Variants in MYB observed in about 807,000 individuals in gnomAD.
The protein encoded by MYB is transcriptional activator Myb.
In MYB, 28 loss-of-function variants were observed where a neutral mutation model predicts 92.9. The observed-to-expected ratio is 0.30, with a 90% CI of 0.22 to 0.41. The LOEUF (loss-of-function observed/expected upper bound fraction) is 0.41. Ranked by LOEUF, MYB falls within the 10% of genes least tolerant of loss-of-function variation. The pLI, the probability that MYB is intolerant of heterozygous loss-of-function variation, is 1.00. For synonymous variants in MYB, 295 were observed against 329.1 expected, an observed-to-expected ratio of 0.90 and a Z score of 1.12; for missense variants, 679 against 929.3, an observed-to-expected ratio of 0.73 and a Z score of 3.50.
At position 135,190,352 on chromosome 6, in the gene MYB, T is replaced by G. The variant is rs1562368585; in HGVS notation, c.527+5T>G. Reference sequence around the variant, plus strand: ...CGCAAAGCTACTGCCTGGACGGTAATAATATGTCAAAAAATATATTGATCG... The same window carrying G: ...CGCAAAGCTACTGCCTGGACGGTAAGAATATGTCAAAAAATATATTGATCG... On this transcript the variant is annotated splice_donor_5th_base_variant and intron_variant, in intron 5 of 15. Coordinates refer to ENST00000341911, the MANE Select transcript of MYB (RefSeq NM_001130173.2). This position sits in a 1 kb window ranked among gnomAD's most constrained non-coding sequence, Gnocchi z 4.5. The G allele has an allele frequency of 1.2e-6, 2 of 1,609,650 alleles. No individual in the cohort carries two copies. The highest frequency in any genetic ancestry group is 1.7e-6 in the Non-Finnish European group (2 of 1,176,372).
chr6:135,199,864 T>C (rs1430158204), intron 11 of MYB, among the ~76,000 whole-genome samples: 1 of 152,266 alleles, frequency 6.6e-6, no homozygotes, highest in African/African-American at 2.4e-5. Context: ...AATCATTTAA[T>C]GCTTTTAGTC....
In MYB at chr6:135,218,679, G is replaced by A. The variant is rs1001601280; in HGVS notation, c.*699G>A. 5.2e-6 allele frequency: 1 copy of A among 192,510 alleles called. No individual in the cohort carries two copies. The highest frequency in any genetic ancestry group is 2.3e-5 in the African/African-American group (1 of 43,012). 11.9% of individuals were successfully genotyped at this position (192,510 alleles called of 1,614,324 possible). Reference sequence around the variant, plus strand: ...GTAGACATGCTGCTAGTATCAGAGGGGCAGTAGAGCTTGGACAGAAAGAAA... The same window carrying A: ...GTAGACATGCTGCTAGTATCAGAGGAGCAGTAGAGCTTGGACAGAAAGAAA... On this transcript the variant is annotated 3_prime_UTR_variant, in exon 16 of 16. Transcript: ENST00000341911.
rs1480210804 is a variant in MYB, at chr6:135,217,850, C to T, written c.2170-14C>T. On this transcript the variant is annotated splice_polypyrimidine_tract_variant and intron_variant, in intron 15 of 15. Transcript: ENST00000341911. Reference sequence around the variant, plus strand: ...TTTGTCTGACGCTCCTGTTGCCATCCCTTTCTCCATCAGCCTTGTAGCAGT... The same window carrying T: ...TTTGTCTGACGCTCCTGTTGCCATCTCTTTCTCCATCAGCCTTGTAGCAGT... The T allele has an allele frequency of 1.9e-6, 3 of 1,562,164 alleles. No individual in the cohort carries two copies. The highest frequency in any genetic ancestry group is 2.6e-6 in the Non-Finnish European group (3 of 1,133,008).
chr6:135,198,241 A>C (rs1056679417), intron 10 of MYB, among the ~76,000 whole-genome samples: 1 of 152,226 alleles, frequency 6.6e-6, no homozygotes, highest in African/African-American at 2.4e-5. Context: ...CAGGAGTTCA[A>C]GTTCAGCCTG....
chr6:135,201,607 G>A, intron 13 of MYB, 32 bp from the exon 14 acceptor site: 1 of 1,495,156 alleles, frequency 6.7e-7, no homozygotes, highest in Non-Finnish European at 9.3e-7. Flanking sequence ...GGAAGTTCTA[G>A]AAACAACAAA....
intron 10 of MYB, among the ~76,000 whole-genome samples, chr6:135,198,096 G>C (rs925948719): frequency 1.3e-5 from 2 of 152,126 alleles, no homozygotes; most frequent in African/African-American, 4.8e-5. Context: ...AACAGATTTA[G>C]GTATGATATA....
intron 3 of MYB, among the ~76,000 whole-genome samples, chr6:135,188,301 C>G (rs1435196481): frequency 6.6e-6 from 1 of 151,868 alleles, no homozygotes; most frequent in Non-Finnish European, 1.5e-5. Flanking sequence ...TTCTGAAGAC[C>G]TTTCTTGACT....
At chr6:135,194,210 C>A (rs758368285) in intron 7 of MYB, 146 bp from the exon 8 acceptor site, 70 of 642,330 alleles carry the variant, frequency 1.1e-4, no homozygotes, top group Non-Finnish European at 1.7e-4. Flanking sequence ...ACAAAGATTT[C>A]TGCAGGAGCC....
intron 15 of MYB, chr6:135,203,673 A>T: frequency 1.5e-6 from 2 of 1,377,794 alleles, no homozygotes; most frequent in Non-Finnish European, 9.8e-7. Flanking sequence ...AATATAGTTT[A>T]CTTTATGTTC....
intron 8 of MYB, chr6:135,195,266 C>A: frequency 5.6e-6 from 2 of 355,034 alleles, no homozygotes; most frequent in Non-Finnish European, 1.0e-5. Context: ...TTTGGCAGTG[C>A]TTCACTGCAT....
intron 13 of MYB, among the ~76,000 whole-genome samples, chr6:135,201,210 A>AT (rs41294866): frequency 4.6e-5 from 7 of 151,900 alleles, no homozygotes; most frequent in African/African-American, 9.7e-5. Context: ...AAAGATAAGT[A>AT]TTTTTTTTTA....
intron 15 of MYB, among the ~76,000 whole-genome samples, chr6:135,213,205 C>T (rs1779984978): frequency 6.6e-6 from 1 of 152,186 alleles, no homozygotes; most frequent in Admixed American, 6.5e-5. Context: ...CGTTCCAAGT[C>T]ATCTTGGCTG....
rs1489127218 is a variant in MYB at position 135,218,772 on chromosome 6, CA to C, written c.*793del. 6.9e-5 allele frequency: 14 copies of C among 203,394 alleles called. No homozygotes were observed. The highest frequency in any genetic ancestry group is 1.2e-4 in the Non-Finnish European group (12 of 99,044). 12.6% of individuals were successfully genotyped at this position (203,394 alleles called of 1,614,324 possible). ...GACTTTTTAATTTTATATATATATACATTTTTTTTCCTTCTGCAATACATTT... is the reference window on the plus strand; with the variant it reads ...GACTTTTTAATTTTATATATATATACTTTTTTTTCCTTCTGCAATACATTT... On this transcript the variant is annotated 3_prime_UTR_variant, in exon 16 of 16. Transcript: ENST00000341911.
chr6:135,188,800 G>A (rs1245664677), intron 3 of MYB, among the ~76,000 whole-genome samples: 1 of 152,092 alleles, frequency 6.6e-6, no homozygotes, highest in African/African-American at 2.4e-5. Context: ...ATGAGCCACC[G>A]TGCCCAGCCA....
At chr6:135,211,207 G>A (rs978527432) in intron 15 of MYB, among the ~76,000 whole-genome samples, 2 of 148,690 alleles carry the variant, frequency 1.3e-5, no homozygotes, top group South Asian at 4.4e-4. Context: ...GTGCTGACCC[G>A]CTCCCCTGGA....
chr6:135,198,722 C>A (rs576960855), intron 10 of MYB, among the ~76,000 whole-genome samples, 186 bp from the exon 11 acceptor site: 1 of 152,218 alleles, frequency 6.6e-6, no homozygotes, highest in African/African-American at 2.4e-5. Context: ...GAAACCACAC[C>A]CAAATCCTGG....
At position 135,218,250 on chromosome 6, in the gene MYB, T is replaced by TAA. The variant is rs3216774; in HGVS notation, c.*277_*278dup. 437 of 333,402 alleles carry TAA rather than the reference T, an allele frequency of 1.3e-3. 2 individuals are homozygous for TAA. In the East Asian group the frequency reaches 0.017, roughly 13 times the overall value. The allele number at this position is 333,402 out of a possible 1,614,324, so 20.7% of individuals were successfully genotyped here. A position where few individuals can be genotyped will look rare whatever the true frequency, so the allele number is the denominator to read the frequency against. On this transcript the variant is annotated 3_prime_UTR_variant, in exon 16 of 16. Transcript: ENST00000341911. ...GTTAATATCTTAATGCAGATTTTTT[T>TAA]AAAAAAAACATAAAATGATTTATCT...
At position 135,197,023 on chromosome 6, in the gene MYB, T is replaced by C; in HGVS notation, c.1266T>C (p.Pro422=). 11 of 1,613,962 alleles carry C rather than the reference T, an allele frequency of 6.8e-6. No homozygotes were observed. The highest frequency in any genetic ancestry group is 2.2e-5 in the East Asian group (1 of 44,880). ...FEFFEEADFS[P]SQHHTGKALQ... is the part of the protein sequence containing the mutation. Reference sequence around the variant, plus strand: ...TCTTTGAAGAAGCAGATTTTTCACCTAGCCAACATCACACAGGCAAAGCCC... The same window carrying C: ...TCTTTGAAGAAGCAGATTTTTCACCCAGCCAACATCACACAGGCAAAGCCC... Residue 422 remains proline (P), a synonymous_variant, in exon 10 of 16, where the codon CCT becomes CCC. Transcript: ENST00000341911.
intron 2 of MYB, among the ~76,000 whole-genome samples, chr6:135,187,170 A>G (rs1469721389): frequency 6.6e-6 from 1 of 152,256 alleles, no homozygotes; most frequent in Admixed American, 6.5e-5. Flanking sequence ...TGTGAACAGC[A>G]TATAAACTAA....
Sources: allele counts gnomAD v4.1 joint callset (sites outside exome capture counted in the v4.1 genomes callset), GRCh38; gene constraint gnomAD v4.1.1; non-coding constraint Gnocchi (gnomAD v3.1); transcripts MANE v1.5; gene names NCBI Gene and HGNC (gene_info 2026-07-23, HGNC 2026-07-21).